SLC7A11: variants seen among roughly 807,000 people sequenced by gnomAD.
The protein encoded by SLC7A11 is cystine/glutamate transporter.
SLC7A11 carries 35 observed loss-of-function variants against 54.5 expected under a neutral mutation model. That is an observed-to-expected ratio of 0.64 (90% CI 0.49 to 0.85). The LOEUF (loss-of-function observed/expected upper bound fraction) is 0.85, where lower values mean the gene tolerates loss of function less well. SLC7A11 is among the 40% of genes least tolerant of loss of function. SLC7A11 has a pLI of 0.00. For synonymous variants in SLC7A11, 230 were observed against 225.2 expected, an observed-to-expected ratio of 1.02 and a Z score of -0.19; for missense variants, 583 against 618.1, an observed-to-expected ratio of 0.94 and a Z score of 0.60.
chr4:138,228,329 C>T (rs1385349741), intron 3 of SLC7A11, among the ~76,000 whole-genome samples: 1 of 151,888 alleles, frequency 6.6e-6, no homozygotes, highest in Non-Finnish European at 1.5e-5. Flanking sequence ...AATATTCTGA[C>T]ATTCAAGTGT....
At chr4:138,182,849 C>T (rs1736780387) in intron 8 of SLC7A11, among the ~76,000 whole-genome samples, 1 of 152,020 alleles carries the variant, frequency 6.6e-6, no homozygotes, top group Non-Finnish European at 1.5e-5. Flanking sequence ...AAAGGAAATA[C>T]TGATGGTAGG....
At chr4:138,184,776 T>A (rs1736834794) in intron 7 of SLC7A11, among the ~76,000 whole-genome samples, 1 of 112,692 alleles carries the variant, frequency 8.9e-6, no homozygotes, top group African/African-American at 3.0e-5. Flanking sequence ...GTGTACAGAA[T>A]AAATTGTAAT....
chr4:138,182,247 T>C (rs775836287), intron 9 of SLC7A11, 50 bp downstream of exon 9: 5 of 1,178,754 alleles, frequency 4.2e-6, no homozygotes, highest in Non-Finnish European at 6.4e-6. Flanking sequence ...TCCTTTTTGC[T>C]AACCTATTAT....
intron 7 of SLC7A11, 62 bp downstream of exon 7, chr4:138,185,059 T>C (rs1162916825): frequency 1.3e-6 from 2 of 1,579,468 alleles, no homozygotes; most frequent in African/African-American, 1.3e-5. Flanking sequence ...AGGGAACTAC[T>C]ATAAAATTGC....
At chr4:138,173,248 A>G (rs1736481024) in intron 11 of SLC7A11, among the ~76,000 whole-genome samples, 1 of 152,094 alleles carries the variant, frequency 6.6e-6, no homozygotes, top group Non-Finnish European at 1.5e-5. Flanking sequence ...AGGCCCAGAT[A>G]GTCTTTCATC....
chr4:138,164,214 TA>T lies in SLC7A11; in HGVS notation c.*7741del, dbSNP rs1269331630. The T allele has an allele frequency of 6.6e-6, 1 of 152,468 alleles. No individual in the cohort carries two copies. The highest frequency in any genetic ancestry group is 1.5e-5 in the Non-Finnish European group (1 of 68,006). 9.4% of individuals were successfully genotyped at this position (152,468 alleles called of 1,614,324 possible). ...CTAGAAGCGTGACAGGTATAATACA[TA>T]TAAATACAACCAAAATTCAATTCAA... On this transcript the variant is annotated 3_prime_UTR_variant, in exon 12 of 12. Coordinates refer to ENST00000280612, the MANE Select transcript of SLC7A11 (RefSeq NM_014331.4).
chr4:138,213,394 A>G (rs1171621162), intron 6 of SLC7A11, among the ~76,000 whole-genome samples: 1 of 152,010 alleles, frequency 6.6e-6, no homozygotes, highest in Non-Finnish European at 1.5e-5. Context: ...CAGGTGCCAG[A>G]ATTTCCTAGT....
At chr4:138,212,054 C>A (rs1420000603) in intron 6 of SLC7A11, among the ~76,000 whole-genome samples, 1 of 151,788 alleles carries the variant, frequency 6.6e-6, no homozygotes. Context: ...AAAAAAGATA[C>A]ATGTTTGAGG....
At chr4:138,194,186 T>G (rs1737077083) in intron 6 of SLC7A11, among the ~76,000 whole-genome samples, 1 of 151,910 alleles carries the variant, frequency 6.6e-6, no homozygotes, top group African/African-American at 2.4e-5. Context: ...GTCAAGAAAG[T>G]GGTGATGAAG....
At position 138,188,833 on chromosome 4, in the gene SLC7A11, A is replaced by G. The variant is rs116874456; in HGVS notation, c.792-3589T>C. 3.3e-3 allele frequency among the ~76,000 whole-genome samples: 510 copies of G among 152,310 alleles called. 5 individuals carry two copies. The East Asian group carries it at 0.046, about 14-fold the overall frequency. On this transcript the variant is annotated intron_variant, in intron 6 of 11. Coordinates refer to ENST00000280612, the MANE Select transcript of SLC7A11 (RefSeq NM_014331.4). ...ATAATTTTTAAGCTGAGTAAAAATG[A>G]CTCACTCTTAACAAAATTAAGTTCT...
At chr4:138,227,234 T>C (rs1737966896) in intron 3 of SLC7A11, among the ~76,000 whole-genome samples, 1 of 152,224 alleles carries the variant, frequency 6.6e-6, no homozygotes, top group Admixed American at 6.5e-5. Context: ...GCTTAACTGA[T>C]AAAATATATG....
At position 138,219,301 on chromosome 4, in the gene SLC7A11, C is replaced by T; in HGVS notation, c.711G>A (p.Leu237=). The change falls in exon 5 of 12, where the codon CTG becomes CTA. Residue 237 remains leucine, a synonymous_variant. Coordinates refer to ENST00000280612, the MANE Select transcript of SLC7A11 (RefSeq NM_014331.4). ...ATGCATACATTCCATAATAAAAAGCCAGTGGCAACCGCGTAATACTTGAAT... is the reference window on the plus strand; with the variant it reads ...ATGCATACATTCCATAATAAAAAGCTAGTGGCAACCGCGTAATACTTGAAT... ...GRDSSITRLP[L]AFYYGMYAYA... is the part of the protein sequence containing the mutation. The T allele has an allele frequency of 6.2e-7, 1 of 1,610,392 alleles. No homozygotes were observed. The highest frequency in any genetic ancestry group is 8.5e-7 in the Non-Finnish European group (1 of 1,176,874).
chr4:138,188,876 A>G (rs147884015), intron 6 of SLC7A11, among the ~76,000 whole-genome samples: 1 of 152,344 alleles, frequency 6.6e-6, no homozygotes, highest in Non-Finnish European at 1.5e-5. Context: ...CTCAAATGTT[A>G]GTACATGTTT....
intron 6 of SLC7A11, among the ~76,000 whole-genome samples, chr4:138,196,622 CT>C (rs964446783): frequency 2.2e-4 from 33 of 151,196 alleles, no homozygotes; most frequent in African/African-American, 7.8e-4. Context: ...TTGATGTTGC[CT>C]TTTTTTAATT....
chr4:138,236,215 T>G, intron 2 of SLC7A11, 110 bp downstream of exon 2: 1 of 841,606 alleles, frequency 1.2e-6, no homozygotes, highest in South Asian at 2.0e-5. Flanking sequence ...TAGACATGTT[T>G]ATCATGTAGT....
rs528833436 is a variant in SLC7A11, at chr4:138,201,965, C to G, written c.791+12620G>C. On this transcript the variant is annotated intron_variant, in intron 6 of 11. Coordinates refer to ENST00000280612, the MANE Select transcript of SLC7A11 (RefSeq NM_014331.4). Reference sequence around the variant, plus strand: ...GCAGCATATTAGAAATATATAAATGCAATCCTAACTAAATTATGGGGAATG... The same window carrying G: ...GCAGCATATTAGAAATATATAAATGGAATCCTAACTAAATTATGGGGAATG... 3.3e-5 allele frequency among the ~76,000 whole-genome samples: 5 copies of G among 152,222 alleles called. No homozygotes were observed. The East Asian group carries it at 9.7e-4, about 29-fold the overall frequency.
At chr4:138,177,440 CCTCT>C (rs905658417) in intron 11 of SLC7A11, 1 of 150,040 alleles carries the variant, frequency 6.7e-6, no homozygotes, top group South Asian at 2.1e-4. Context: ...TCTCTCTCTC[CCTCT>C]CTCTCTCTGT....
Position 138,170,205 on chromosome 4 carries a change from C to CTATATATATATATATATATATATA in SLC7A11, c.*1727_*1750dup, listed in dbSNP as rs760391383. On this transcript the variant is annotated 3_prime_UTR_variant, in exon 12 of 12. Coordinates refer to ENST00000280612, the MANE Select transcript of SLC7A11 (RefSeq NM_014331.4). ...ATATTACTCTCATTTGTAAGTTCCA[C>CTATATATATATATATATATATATA]TATATATATATATATATATATATAA... 2.0e-5 allele frequency: 2 copies of CTATATATATATATATATATATATA among 98,134 alleles called. No individual in the cohort carries two copies. Among genetic ancestry groups the CTATATATATATATATATATATATA allele is most frequent in the Non-Finnish European group, 4.0e-5 (2 of 49,444 alleles). 6.1% of individuals were successfully genotyped at this position (98,134 alleles called of 1,614,324 possible). A position where few individuals can be genotyped will look rare whatever the true frequency, so the allele number is the denominator to read the frequency against.
intron 11 of SLC7A11, among the ~76,000 whole-genome samples, chr4:138,178,472 A>T (rs2148410090): frequency 6.6e-6 from 1 of 152,228 alleles, no homozygotes. Context: ...TAGTAGAATG[A>T]TTTATAAACC....
Sources: gnomAD v4.1 joint callset for allele counts (sites outside exome capture counted in the v4.1 genomes callset) on GRCh38, gnomAD v4.1.1 for gene constraint, MANE v1.5 for transcripts, NCBI Gene and HGNC (gene_info 2026-07-23, HGNC 2026-07-21) for gene names.